The following RFWD3 variants were observed in gnomAD, a reference collection of about 807,000 sequenced individuals.
The protein encoded by RFWD3 is E3 ubiquitin-protein ligase RFWD3.
A neutral mutation model predicts 87.7 loss-of-function variants in RFWD3; 65 were observed. That is an observed-to-expected ratio of 0.74 (90% CI 0.61 to 0.91). RFWD3 has a LOEUF of 0.91. RFWD3 is among the 40% of genes least tolerant of loss of function. The pLI is 0.00. For missense variants in RFWD3, 1,078 were observed against 938.5 expected, an observed-to-expected ratio of 1.15 and a Z score of -1.94; for synonymous variants, 433 against 352.8, an observed-to-expected ratio of 1.23 and a Z score of -2.55.
intron 1 of RFWD3, chr16:74,664,559 C>G (rs537506836): frequency 1.3e-5 from 2 of 152,266 alleles, no homozygotes; most frequent in Admixed American, 6.5e-5. Context: ...CCAGCCTGGG[C>G]AACACGGCAA....
chr16:74,644,589 A>C lies in RFWD3; in HGVS notation c.939T>G (p.Tyr313Ter). ...CTTTAAGCCACGTGGAAATGCACCT[A>C]TACCCAAAGAGATGCCCACAGCGTA... ...SALRCGHLFGYRCISTWLKGQ... is the reference protein window; with the variant it reads ...SALRCGHLFG Residue 313 changes from tyrosine to a stop codon, truncating the protein, a stop_gained, in exon 5 of 13, where the codon TAT becomes TAG. Transcript: ENST00000361070. LOFTEE classifies it high-confidence loss of function. 6.2e-7 allele frequency: 1 copy of C among 1,614,194 alleles called. No homozygotes were observed. Among genetic ancestry groups the C allele is most frequent in the Non-Finnish European group, 8.5e-7 (1 of 1,180,046 alleles).
chr16:74,642,528 T>A (rs1183498870), intron 6 of RFWD3, among the ~76,000 whole-genome samples: 1 of 152,128 alleles, frequency 6.6e-6, no homozygotes, highest in Non-Finnish European at 1.5e-5. Context: ...TGAGACAGGT[T>A]CTTACTCTGT....
chr16:74,635,225 C>A (rs886576731), intron 8 of RFWD3, among the ~76,000 whole-genome samples: 13 of 151,136 alleles, frequency 8.6e-5, no homozygotes, highest in Admixed American at 8.6e-4. Context: ...TGCAGTGAGC[C>A]GAGATAGAGA....
At chr16:74,662,137 C>T (rs1289347348) in intron 1 of RFWD3, among the ~76,000 whole-genome samples, 3 of 149,900 alleles carry the variant, frequency 2.0e-5, no homozygotes, top group Non-Finnish European at 3.0e-5. Flanking sequence ...AGTTTTTAAA[C>T]TAAAAAAAAA....
intron 1 of RFWD3, among the ~76,000 whole-genome samples, chr16:74,663,395 G>A (rs888087188): frequency 1.3e-5 from 2 of 152,148 alleles, no homozygotes; most frequent in South Asian, 2.1e-4. Flanking sequence ...AATGTTTCAA[G>A]GAAGGAACAA....
At chr16:74,666,497 G>C (rs914118788) in intron 1 of RFWD3, 1 of 152,198 alleles carries the variant, frequency 6.6e-6, no homozygotes, top group Non-Finnish European at 1.5e-5. Context: ...ACCCCGGCCA[G>C]GGCAGGCCCC....
chr16:74,649,104 GATTTTTT>G (rs2144245879), intron 4 of RFWD3, 21 bp downstream of exon 4: 1 of 1,452,948 alleles, frequency 6.9e-7, no homozygotes, highest in East Asian at 2.5e-5. Context: ...TAAATAAATA[GATTTTTT>G]TAAAATGATG....
chr16:74,662,065 C>T (rs1961485900), intron 1 of RFWD3, among the ~76,000 whole-genome samples: 2 of 152,122 alleles, frequency 1.3e-5, no homozygotes, highest in Non-Finnish European at 1.5e-5. Context: ...TTATTAAGCA[C>T]CTATGTTCTT....
chr16:74,666,050 G>C (rs1343689058), intron 1 of RFWD3, among the ~76,000 whole-genome samples: 2 of 152,032 alleles, frequency 1.3e-5, no homozygotes, highest in African/African-American at 2.4e-5. Context: ...GAGAGAGGGA[G>C]AGGGAGAGGC....
At chr16:74,646,506 C>T (rs1477693201) in intron 4 of RFWD3, among the ~76,000 whole-genome samples, 3 of 151,706 alleles carry the variant, frequency 2.0e-5, no homozygotes, top group Non-Finnish European at 2.9e-5. Flanking sequence ...AGAATTAATT[C>T]GCTGGGCGCA....
intron 2 of RFWD3, among the ~76,000 whole-genome samples, chr16:74,655,568 T>C (rs1392297295): frequency 2.0e-5 from 3 of 149,100 alleles, no homozygotes; most frequent in African/African-American, 7.5e-5. Flanking sequence ...TCTTTTACTG[T>C]TCTGAAAATC....
chr16:74,656,298 C>A (rs1270245976), intron 2 of RFWD3, among the ~76,000 whole-genome samples: 1 of 101,484 alleles, frequency 9.9e-6, no homozygotes, highest in African/African-American at 3.9e-5. Context: ...AGAGTGAGAC[C>A]TTGTCTTGCC....
chr16:74,626,452 A>G lies in RFWD3; in HGVS notation c.2072T>C (p.Phe691Ser), dbSNP rs949295667. The part of the protein sequence containing the change: ...ICSCQPVHTF[F>S]GGPTCKLLTK... ...CAATAGTTTGCAAGTAGGTCCTCCA[A>G]AAAATGTATGTACAGGCTGGCAGGA... is the stretch of plus-strand genomic sequence containing the variant. Residue 691 changes from phenylalanine (F) to serine (S), a missense_variant, in exon 12 of 13, where the codon TTT (phenylalanine) becomes TCT (serine). Coordinates refer to ENST00000361070, the MANE Select transcript of RFWD3 (RefSeq NM_018124.4). 3 of 1,614,210 alleles carry G rather than the reference A, an allele frequency of 1.9e-6. No individual in the cohort carries two copies. Among genetic ancestry groups the G allele is most frequent in the South Asian group, 1.1e-5 (1 of 91,078 alleles).
intron 4 of RFWD3, among the ~76,000 whole-genome samples, chr16:74,645,978 G>C (rs1555527308): frequency 1.3e-5 from 2 of 150,752 alleles, no homozygotes; most frequent in South Asian, 2.1e-4. Context: ...TCGATCTCCT[G>C]ACCTCGCGAT....
At chr16:74,649,251 G>A in intron 3 of RFWD3, 49 bp from the exon 4 acceptor site, 2 of 1,351,086 alleles carry the variant, frequency 1.5e-6, no homozygotes, top group Non-Finnish European at 2.0e-6. Flanking sequence ...TACAAAATAA[G>A]ATATGTCAGG....
Position 74,644,523 on chromosome 16 carries a change from C to T in RFWD3, c.987+18G>A. On this transcript the variant is annotated intron_variant, in intron 5 of 12. Coordinates refer to ENST00000361070, the MANE Select transcript of RFWD3 (RefSeq NM_018124.4). ...GCCTGACTTAACATGTTAATGTGTC[C>T]TTACCTATGGTCCTTACCTGGGGAC... 6.2e-7 allele frequency: 1 copy of T among 1,614,134 alleles called. No homozygotes were observed. Among genetic ancestry groups the T allele is most frequent in the Middle Eastern group, 1.6e-4 (1 of 6,062 alleles).
At chr16:74,642,382 C>T (rs908195279) in intron 6 of RFWD3, among the ~76,000 whole-genome samples, 1 of 152,144 alleles carries the variant, frequency 6.6e-6, no homozygotes, top group Admixed American at 6.5e-5. Flanking sequence ...CCTCAGCCTC[C>T]CAGAGTGCTA....
intron 9 of RFWD3, 131 bp from the exon 10 acceptor site, chr16:74,631,088 T>G: frequency 2.7e-6 from 2 of 736,106 alleles, no homozygotes; most frequent in Non-Finnish European, 4.1e-6. Flanking sequence ...CTATCTGGAT[T>G]CCCTATTTTT....
chr16:74,635,409 G>A (rs1049031150), intron 8 of RFWD3, among the ~76,000 whole-genome samples: 1 of 152,088 alleles, frequency 6.6e-6, no homozygotes, highest in African/African-American at 2.4e-5. Context: ...AGAGGTTGCA[G>A]TGAGCTGAGA....
Sources: allele counts gnomAD v4.1 joint callset (sites outside exome capture counted in the v4.1 genomes callset), GRCh38; gene constraint gnomAD v4.1.1; transcripts MANE v1.5; gene names NCBI Gene and HGNC (gene_info 2026-07-23, HGNC 2026-07-21).